CCDC102B: variants seen among roughly 807,000 people sequenced by gnomAD.
CCDC102B encodes the protein coiled-coil domain containing 102B.
In CCDC102B, 75 loss-of-function variants were observed where a neutral mutation model predicts 57.4. That is an observed-to-expected ratio of 1.31 (90% CI 1.08 to 1.58). The LOEUF is 1.58. Among genes scored for constraint, CCDC102B ranks in the 40% most tolerant of loss-of-function variants. CCDC102B has a pLI of 0.00. For synonymous variants in CCDC102B, 206 were observed against 201.9 expected (o/e 1.02, Z -0.17); for missense variants, 636 against 582.6 (o/e 1.09, Z -0.94).
At chr18:68,945,009 T>G (rs1006161415) in intron 6 of CCDC102B, among the ~76,000 whole-genome samples, 2 of 151,904 alleles carry the variant, frequency 1.3e-5, no homozygotes, top group African/African-American at 4.8e-5. Flanking sequence ...CCTTGATGTT[T>G]GCAAATAGTG....
At chr18:68,796,166 G>A (rs939953836), upstream of CCDC102B, among the ~76,000 whole-genome samples, 7 of 152,180 alleles carry the variant, frequency 4.6e-5, no homozygotes, top group Non-Finnish European at 1.0e-4. Context: ...TTAAGAGACA[G>A]AGAGACACTG....
intron 6 of CCDC102B, among the ~76,000 whole-genome samples, chr18:68,999,695 C>G (rs1346372347): frequency 6.6e-6 from 1 of 152,080 alleles, no homozygotes; most frequent in African/African-American, 2.4e-5. Context: ...CTAAGACTTC[C>G]CAAGTCACTC....
intron 6 of CCDC102B, among the ~76,000 whole-genome samples, chr18:68,905,351 T>C (rs922300824): frequency 6.7e-6 from 1 of 148,974 alleles, no homozygotes; most frequent in Non-Finnish European, 1.5e-5. Flanking sequence ...TTATTTACCT[T>C]CCTATTTAAA....
intron 7 of CCDC102B, among the ~76,000 whole-genome samples, chr18:69,034,490 C>T (rs74257793): frequency 0.014 from 2,144 of 151,922 alleles, 38 homozygotes; most frequent in East Asian, 0.081. Context: ...AATGTTTTGG[C>T]ACTCATGTCA....
intron 6 of CCDC102B, among the ~76,000 whole-genome samples, chr18:68,911,438 G>A (rs527952648): frequency 6.6e-6 from 1 of 152,076 alleles, no homozygotes; most frequent in South Asian, 2.1e-4. Context: ...CTACAGGAGG[G>A]TGGTGGGTGG....
chr18:68,989,530 G>A (rs931126327), intron 6 of CCDC102B, among the ~76,000 whole-genome samples: 5 of 152,132 alleles, frequency 3.3e-5, no homozygotes, highest in African/African-American at 4.8e-5. Context: ...ATTATTACTG[G>A]ATGTTAACAA....
chr18:68,797,562 CAA>C (rs2035674727), upstream of CCDC102B, among the ~76,000 whole-genome samples: 1 of 151,988 alleles, frequency 6.6e-6, no homozygotes, highest in African/African-American at 2.4e-5. Flanking sequence ...CAATTCCTGC[CAA>C]TGTGACCACA....
intron 2 of CCDC102B, among the ~76,000 whole-genome samples, chr18:68,735,909 G>C (rs1162350356): frequency 1.3e-5 from 2 of 152,124 alleles, no homozygotes; most frequent in African/African-American, 4.8e-5. Flanking sequence ...TCCATCCTTA[G>C]AACCTGGCAT....
chr18:68,894,990 G>A (rs973617706), intron 5 of CCDC102B, among the ~76,000 whole-genome samples: 1 of 151,806 alleles, frequency 6.6e-6, no homozygotes, highest in Non-Finnish European at 1.5e-5. Flanking sequence ...CAGCATATTT[G>A]TCCTTGCCCA....
chr18:68,975,864 A>G (rs80036038), intron 6 of CCDC102B, among the ~76,000 whole-genome samples: 1 of 151,406 alleles, frequency 6.6e-6, no homozygotes, highest in African/African-American at 2.4e-5. Flanking sequence ...AAAAAAAAAA[A>G]GCGTCTACCT....
chr18:69,057,092 T>C (rs1402974312), downstream of CCDC102B, among the ~76,000 whole-genome samples: 1 of 152,064 alleles, frequency 6.6e-6, no homozygotes, highest in Non-Finnish European at 1.5e-5. Flanking sequence ...ATAATTTCCC[T>C]GTGACTTTTA....
chr18:68,954,907 T>C (rs2049799658), intron 6 of CCDC102B, among the ~76,000 whole-genome samples: 1 of 152,192 alleles, frequency 6.6e-6, no homozygotes, highest in African/African-American at 2.4e-5. Flanking sequence ...TTGAGTACAA[T>C]AACATCAGTG....
At chr18:68,911,480 C>T (rs547728664) in intron 6 of CCDC102B, among the ~76,000 whole-genome samples, 67 of 150,718 alleles carry the variant, frequency 4.4e-4, no homozygotes, top group Admixed American at 1.6e-3. Context: ...AGGCCGGGCG[C>T]GGTGGCTCAC....
intron 1 of CCDC102B, among the ~76,000 whole-genome samples, chr18:68,833,220 G>A (rs985037450): frequency 1.6e-4 from 25 of 152,208 alleles, no homozygotes; most frequent in African/African-American, 5.8e-4. Flanking sequence ...TGACTTGTCT[G>A]GATACATCAG....
Position 68,767,299 on chromosome 18 carries a change from C to T in CCDC102B, c.-67+50705C>T, listed in dbSNP as rs114633595. ...GGAGGTAATTAATCTTAAATGAAGT[C>T]ATGATGGGGGAGCTCCTATAACGAG... On this transcript the variant is annotated intron_variant, in intron 2 of 3. Transcript: ENST00000578970. 8.9e-3 allele frequency among the ~76,000 whole-genome samples: 1,359 copies of T among 152,246 alleles called. 15 individuals carry two copies. Among genetic ancestry groups the T allele is most frequent in the African/African-American group, 0.031 (1,282 of 41,552 alleles).
chr18:68,780,850 TGAGGA>T (rs2034984633), intron 2 of CCDC102B, among the ~76,000 whole-genome samples: 1 of 152,088 alleles, frequency 6.6e-6, no homozygotes, highest in South Asian at 2.1e-4. Flanking sequence ...TTATACAGTC[TGAGGA>T]GAATGAAATC....
At chr18:68,812,037 C>T (rs532833837) in intron 1 of CCDC102B, among the ~76,000 whole-genome samples, 1 of 152,188 alleles carries the variant, frequency 6.6e-6, no homozygotes, top group South Asian at 2.1e-4. Context: ...TGTGTAAGAA[C>T]TAATATACTT....
chr18:68,864,207 C>T (rs8090518), intron 4 of CCDC102B, among the ~76,000 whole-genome samples: 106,752 of 151,806 alleles, frequency 0.7, 37,929 homozygotes, highest in East Asian at 1. Flanking sequence ...TCATCTTTCC[C>T]CAAGGAATCA....
intron 1 of CCDC102B, among the ~76,000 whole-genome samples, chr18:68,801,907 A>T (rs990024925): frequency 2.6e-5 from 4 of 152,180 alleles, no homozygotes; most frequent in African/African-American, 9.7e-5. Context: ...AAGATCAAAT[A>T]GTCTTATTAG....
Sources: gnomAD v4.1 joint callset for allele counts (sites outside exome capture counted in the v4.1 genomes callset) on GRCh38, gnomAD v4.1.1 for gene constraint, MANE v1.5 for transcripts, NCBI Gene and HGNC (gene_info 2026-07-23, HGNC 2026-07-21) for gene names.